The following OR9Q1 variants were observed in gnomAD, a reference collection of about 807,000 sequenced individuals.
OR9Q1 encodes the protein olfactory receptor 9Q1.
For synonymous variants in OR9Q1, 153 were observed against 148.6 expected (o/e 1.03, Z -0.22); for missense variants, 374 against 378.8 (o/e 0.99, Z 0.11).
chr11:58,055,155 C>T (rs555818156), intron 1 of OR9Q1, among the ~76,000 whole-genome samples: 2 of 148,876 alleles, frequency 1.3e-5, no homozygotes, highest in African/African-American at 2.5e-5. Flanking sequence ...AGATCTTAAC[C>T]TTCTCATCTG....
At chr11:58,165,531 C>T (rs1854492661) in intron 2 of OR9Q1, among the ~76,000 whole-genome samples, 1 of 152,160 alleles carries the variant, frequency 6.6e-6, no homozygotes, top group South Asian at 2.1e-4. Flanking sequence ...ACCCTCTCTG[C>T]TGTTTTTTGG....
Position 58,179,858 on chromosome 11 carries a change from G to A in OR9Q1, c.414G>A (p.Gln138=). Residue 138 remains glutamine, a synonymous_variant, in exon 3 of 3, where the codon CAG becomes CAA. Coordinates refer to ENST00000335397, the MANE Select transcript of OR9Q1 (RefSeq NM_001005212.4). ...QPLLYVTILT[Q]QARLSLVAGA... ...TGCTTTATGTCACCATCCTGACACAGCAGGCCCGCTTGAGTCTTGTGGCTG... is the reference window on the plus strand; with the variant it reads ...TGCTTTATGTCACCATCCTGACACAACAGGCCCGCTTGAGTCTTGTGGCTG... 6.2e-7 allele frequency: 1 copy of A among 1,614,164 alleles called. No individual in the cohort carries two copies. Among genetic ancestry groups the A allele is most frequent in the Non-Finnish European group, 8.5e-7 (1 of 1,180,008 alleles).
intron 2 of OR9Q1, among the ~76,000 whole-genome samples, chr11:58,104,965 G>T (rs946458796): frequency 7.9e-5 from 12 of 152,042 alleles, no homozygotes; most frequent in Non-Finnish European, 1.2e-4. Context: ...AACCAATTCG[G>T]ACTAATCCAA....
intron 2 of OR9Q1, among the ~76,000 whole-genome samples, chr11:58,062,729 T>TA (rs1452346907): frequency 1.3e-5 from 2 of 152,208 alleles, no homozygotes; most frequent in East Asian, 1.9e-4. Context: ...ATCAAGATCT[T>TA]AAAAAAGTAA....
intron 1 of OR9Q1, among the ~76,000 whole-genome samples, chr11:58,036,033 T>G (rs955577131): frequency 6.6e-6 from 1 of 152,116 alleles, no homozygotes; most frequent in African/African-American, 2.4e-5. Flanking sequence ...GTGCTCACTT[T>G]GCTTCTTTGT....
chr11:58,097,137 C>T (rs923726700), intron 2 of OR9Q1, among the ~76,000 whole-genome samples: 1 of 152,134 alleles, frequency 6.6e-6, no homozygotes, highest in Non-Finnish European at 1.5e-5. Context: ...TCACTGCACC[C>T]GGCCTTGGCT....
intron 2 of OR9Q1, chr11:58,109,209 A>G (rs1291458701): frequency 2.1e-6 from 1 of 472,084 alleles, no homozygotes. Flanking sequence ...CTGACACCCC[A>G]CAGATGAAGG....
intron 2 of OR9Q1, chr11:58,125,236 A>ACCC (rs201477338): frequency 1.0e-4 from 7 of 69,652 alleles, no homozygotes; most frequent in Admixed American, 2.0e-4. Flanking sequence ...CCCCTTACCC[A>ACCC]CCGCCCCCCC....
chr11:58,165,778 G>A (rs1854495153), intron 2 of OR9Q1, among the ~76,000 whole-genome samples: 1 of 152,188 alleles, frequency 6.6e-6, no homozygotes, highest in Admixed American at 6.5e-5. Context: ...GCACTGGATT[G>A]AGTAATACTT....
chr11:58,107,510 A>G (rs1320586362), intron 2 of OR9Q1, among the ~76,000 whole-genome samples: 1 of 152,158 alleles, frequency 6.6e-6, no homozygotes, highest in Non-Finnish European at 1.5e-5. Context: ...CCAGTCTATC[A>G]TTGATGGACA....
At chr11:58,034,735 T>TTTCTTTCCTTCCTTCC (rs1554964474) in intron 1 of OR9Q1, among the ~76,000 whole-genome samples, 2 of 111,404 alleles carry the variant, frequency 1.8e-5, no homozygotes, top group African/African-American at 3.3e-5. Flanking sequence ...GGTTTCTTTC[T>TTTCTTTCCTTCCTTCC]TTCCTTCCTT....
chr11:58,102,675 A>G (rs1853795968), intron 2 of OR9Q1, among the ~76,000 whole-genome samples: 1 of 151,874 alleles, frequency 6.6e-6, no homozygotes, highest in Non-Finnish European at 1.5e-5. Flanking sequence ...GTGACTTGAC[A>G]TATTCTCTTC....
At chr11:58,171,888 G>A (rs902766355) in intron 2 of OR9Q1, among the ~76,000 whole-genome samples, 3 of 152,212 alleles carry the variant, frequency 2.0e-5, no homozygotes, top group Middle Eastern at 3.4e-3. Flanking sequence ...CCAGCTCTAG[G>A]GGAAGCAATG....
chr11:58,074,786 G>T (rs1853523260), intron 2 of OR9Q1, among the ~76,000 whole-genome samples: 1 of 152,042 alleles, frequency 6.6e-6, no homozygotes, highest in African/African-American at 2.4e-5. Flanking sequence ...TTTTGTATAA[G>T]GTGTAAGGAA....
chr11:58,034,171 C>T (rs1436736627), intron 1 of OR9Q1, among the ~76,000 whole-genome samples: 1 of 150,208 alleles, frequency 6.7e-6, no homozygotes, highest in African/African-American at 2.5e-5. Context: ...CTGCAAGCTC[C>T]GCCTCCCAGG....
chr11:58,123,791 C>T (rs371992016), intron 2 of OR9Q1, among the ~76,000 whole-genome samples: 11 of 152,240 alleles, frequency 7.2e-5, no homozygotes, highest in South Asian at 2.1e-4. Context: ...AAAATCAAAG[C>T]GCCTCTCTAA....
chr11:58,087,777 C>T (rs1051521155), intron 2 of OR9Q1, among the ~76,000 whole-genome samples: 1 of 151,446 alleles, frequency 6.6e-6, no homozygotes, highest in Non-Finnish European at 1.5e-5. Flanking sequence ...CATATGTTCT[C>T]ATTGTTCAAC....
chr11:58,147,575 C>A (rs1337938193), intron 2 of OR9Q1, among the ~76,000 whole-genome samples: 2 of 152,102 alleles, frequency 1.3e-5, no homozygotes, highest in Non-Finnish European at 2.9e-5. Flanking sequence ...TGAGTGGCAA[C>A]CAATTTTGCC....
chr11:58,111,743 C>T (rs1853901137), intron 2 of OR9Q1, among the ~76,000 whole-genome samples: 1 of 152,090 alleles, frequency 6.6e-6, no homozygotes, highest in Admixed American at 6.6e-5. Context: ...CTGGACTTGT[C>T]CTTATTGTGA....
Sources: gnomAD v4.1 joint callset for allele counts (sites outside exome capture counted in the v4.1 genomes callset) on GRCh38, gnomAD v4.1.1 for gene constraint, MANE v1.5 for transcripts, NCBI Gene and HGNC (gene_info 2026-07-23, HGNC 2026-07-21) for gene names.